Variants in ZNF235 observed in about 807,000 individuals in gnomAD.
ZNF235 encodes zinc finger protein 235, also known as zfp-93.
ZNF235 carries 25 observed loss-of-function variants against 29.4 expected under a neutral mutation model. The observed-to-expected ratio is 0.85, with a 90% CI of 0.62 to 1.19. ZNF235 has a LOEUF of 1.19. Ranked by LOEUF, ZNF235 falls within the 50% of genes most tolerant of loss-of-function variation. ZNF235 has a pLI of 0.00. For synonymous variants in ZNF235, 300 were observed against 295.3 expected (o/e 1.02, Z -0.16); for missense variants, 788 against 885.0 (o/e 0.89, Z 1.39).
At chr19:44,293,653 ATAGAACATATGT>A (rs1296402478) in intron 4 of ZNF235, among the ~76,000 whole-genome samples, 2 of 152,174 alleles carry the variant, frequency 1.3e-5, no homozygotes, top group African/African-American at 2.4e-5. Context: ...ATTCTCCAAG[ATAGAACATATGT>A]TAGGTCACAA....
intron 4 of ZNF235, chr19:44,290,373 G>A (rs900918497): frequency 6.6e-6 from 1 of 152,474 alleles, no homozygotes; most frequent in Non-Finnish European, 1.5e-5. Flanking sequence ...AAAAGGACAT[G>A]GCAAGCCCTG....
At position 44,288,899 on chromosome 19, in the gene ZNF235, A is replaced by G. The variant is rs1482737033; in HGVS notation, c.536T>C (p.Val179Ala). ...ATATATTTTACTCCAAGAATTCGGA[A>G]CTTTCCCAGTTGGAAATTCTTGATT... Reference protein sequence around the residue: ...IENQEFPTGKVPNSWSKIYLN... With the variant: ...IENQEFPTGKAPNSWSKIYLN... Residue 179 changes from valine (V) to alanine (A), a missense_variant, in exon 5 of 5, where the codon GTT becomes GCT. Val to Ala is a moderately conservative substitution (Grantham distance 64). Transcript: ENST00000291182. 10 of 1,613,930 alleles carry G rather than the reference A, an allele frequency of 6.2e-6. No individual in the cohort carries two copies. The highest frequency in any genetic ancestry group is 1.3e-5 in the African/African-American group (1 of 74,922).
intron 4 of ZNF235, chr19:44,289,964 T>C (rs897844033): frequency 1.3e-5 from 2 of 152,274 alleles, no homozygotes; most frequent in East Asian, 1.9e-4. Context: ...TAGGAAGATA[T>C]GTGGTGGCAC....
At position 44,288,727 on chromosome 19, in the gene ZNF235, ATGAACTTTATCTC is replaced by A; in HGVS notation, c.695_707del (p.Arg232IlefsTer11). Reference sequence around the variant, plus strand: ...TATCTTTACCACAATCACTATTGCTATGAACTTTATCTCTTTTGTGCACTATATTATCATCATG... The same window carrying A: ...TATCTTTACCACAATCACTATTGCTATTTTGTGCACTATATTATCATCATG... On this transcript the variant is annotated frameshift_variant, in exon 5 of 5. Transcript: ENST00000291182. LOFTEE classifies it low-confidence loss of function (END_TRUNC). The A allele has an allele frequency of 6.2e-7, 1 of 1,614,094 alleles. No individual in the cohort carries two copies. Among genetic ancestry groups the A allele is most frequent in the Non-Finnish European group, 8.5e-7 (1 of 1,179,988 alleles).
At chr19:44,297,874 T>C (rs1052693215) in intron 4 of ZNF235, among the ~76,000 whole-genome samples, 155 of 152,200 alleles carry the variant, frequency 1.0e-3, no homozygotes, top group African/African-American at 3.6e-3. Context: ...TCCCAGCATT[T>C]TGGGGAGGCT....
chr19:44,294,618 A>C (rs1975629084), intron 4 of ZNF235, among the ~76,000 whole-genome samples: 1 of 152,204 alleles, frequency 6.6e-6, no homozygotes, highest in African/African-American at 2.4e-5. Context: ...CAACAAAAAA[A>C]GAAAACTACA....
In ZNF235 at chr19:44,288,012, G is replaced by C; in HGVS notation, c.1423C>G (p.His475Asp). The C allele has an allele frequency of 6.2e-7, 1 of 1,613,992 alleles. No homozygotes were observed. Among genetic ancestry groups the C allele is most frequent in the Non-Finnish European group, 8.5e-7 (1 of 1,179,998 alleles). Residue 475 changes from histidine (H) to aspartate (D), a missense_variant, in exon 5 of 5, where the codon CAT becomes GAT. Physicochemically the swap from His to Asp is moderately conservative, Grantham distance 81. Coordinates refer to ENST00000291182, the MANE Select transcript of ZNF235 (RefSeq NM_004234.4). Reference protein sequence around the residue: ...GKCFSLSFNLHSHQRVHTGEK... With the variant: ...GKCFSLSFNLDSHQRVHTGEK... ...CCTGTGTGGACTCGTTGATGACTAT[G>C]AAGATTAAAGCTCAAACTAAAGCAC...
intron 4 of ZNF235, chr19:44,290,731 G>C (rs1975574840): frequency 6.0e-6 from 1 of 166,942 alleles, no homozygotes; most frequent in Non-Finnish European, 1.3e-5. Context: ...AGAGGAAAAA[G>C]ATGCTCAAAA....
In ZNF235 at chr19:44,287,765, T is replaced by C; in HGVS notation, c.1670A>G (p.Asn557Ser). 1 of 1,614,074 alleles carries C rather than the reference T, an allele frequency of 6.2e-7. No homozygotes were observed. Among genetic ancestry groups the C allele is most frequent in the Non-Finnish European group, 8.5e-7 (1 of 1,179,990 alleles). ...GTGGACTCTCTGATGATTGTGAAGA[T>C]TCAAGCTCCAATTGAAGCGCTTCCC... ...VCGKRFNWSL[N>S]LHNHQRVHTG... The change falls in exon 5 of 5, where the codon AAT becomes AGT. Residue 557 changes from asparagine (N) to serine (S), a missense_variant. Coordinates refer to ENST00000291182, the MANE Select transcript of ZNF235 (RefSeq NM_004234.4).
chr19:44,297,928 G>C (rs543695651), intron 4 of ZNF235, among the ~76,000 whole-genome samples: 1 of 152,178 alleles, frequency 6.6e-6, no homozygotes, highest in Non-Finnish European at 1.5e-5. Context: ...AGAGCAGCCT[G>C]GGCAACATGG....
At position 44,288,615 on chromosome 19, in the gene ZNF235, C is replaced by T; in HGVS notation, c.820G>A (p.Asp274Asn). 1 of 1,614,030 alleles carries T rather than the reference C, an allele frequency of 6.2e-7. No homozygotes were observed. Residue 274 changes from aspartate to asparagine, a missense_variant, in exon 5 of 5, where the codon GAT becomes AAT. Asp to Asn is a conservative substitution (Grantham distance 23, BLOSUM62 1). Coordinates refer to ENST00000291182, the MANE Select transcript of ZNF235 (RefSeq NM_004234.4). ...TTATGAAGTTCAAGACTGGAGCTAT[C>T]ATTGAAGGCTTCTTCACATTCATTA... is the stretch of plus-strand genomic sequence containing the variant. ...QGNECEEAFN[D>N]SSSLELHKQV...
In ZNF235 at chr19:44,288,164, ATTCT is replaced by A. The variant is rs1975522430; in HGVS notation, c.1267_1270del (p.Arg423PhefsTer47). 6.2e-7 allele frequency: 1 copy of A among 1,613,632 alleles called. No homozygotes were observed. The highest frequency in any genetic ancestry group is 1.3e-5 in the African/African-American group (1 of 74,780). ...TTTATATGGTTTCTCTCCAGTGTGA[ATTCT>A]TTCATGGGCCTGAAGATGTGATCTC... On this transcript the variant is annotated frameshift_variant, in exon 5 of 5. Transcript: ENST00000291182. LOFTEE classifies it high-confidence loss of function.
intron 2 of ZNF235, among the ~76,000 whole-genome samples, chr19:44,300,124 G>C (rs1163391906): frequency 1.3e-5 from 2 of 152,164 alleles, no homozygotes; most frequent in Non-Finnish European, 2.9e-5. Context: ...AACTGCAGCA[G>C]CATTTAGGGT....
intron 4 of ZNF235, among the ~76,000 whole-genome samples, chr19:44,296,103 A>C (rs1975650433): frequency 6.6e-6 from 1 of 152,218 alleles, no homozygotes; most frequent in Non-Finnish European, 1.5e-5. Flanking sequence ...ACGAAGTATA[A>C]ATAAATACAT....
At chr19:44,294,967 C>CATA (rs1975634544) in intron 4 of ZNF235, among the ~76,000 whole-genome samples, 1 of 151,990 alleles carries the variant, frequency 6.6e-6, no homozygotes, top group African/African-American at 2.4e-5. Flanking sequence ...ATATGACAAC[C>CATA]CATAGGTAAC....
rs868367989 is a variant in ZNF235 at position 44,302,811 on chromosome 19, T to C, written c.15+579A>G. On this transcript the variant is annotated intron_variant, in intron 2 of 4. Transcript: ENST00000291182. ...AACTATATACTTATATATGAGTATA[T>C]ATATACTTATATATATATAACTATA... Among the ~76,000 whole-genome samples, 13 of 145,548 alleles carry C rather than the reference T, an allele frequency of 8.9e-5. No homozygotes were observed. In the South Asian group the frequency reaches 2.7e-3, roughly 31 times the overall value.
At chr19:44,302,905 A>AATATATACGT (rs1275519186) in intron 2 of ZNF235, among the ~76,000 whole-genome samples, 5 of 99,752 alleles carry the variant, frequency 5.0e-5, no homozygotes, top group African/African-American at 1.6e-4. Flanking sequence ...TTTGTATATA[A>AATATATACGT]ATATATACGT....
In ZNF235 at chr19:44,291,167, T is replaced by C. The variant is rs74260466; in HGVS notation, c.239-1971A>G. Among the ~76,000 whole-genome samples the C allele has an allele frequency of 4.7e-4, 71 of 152,234 alleles. No homozygotes were observed. In the East Asian group the frequency reaches 0.013, roughly 27 times the overall value. ...CCATATTCTAGGCCATAAAACAAGTTCTAACAGATGCAAAAGGAGTCAAGT... is the reference window on the plus strand; with the variant it reads ...CCATATTCTAGGCCATAAAACAAGTCCTAACAGATGCAAAAGGAGTCAAGT... On this transcript the variant is annotated intron_variant, in intron 4 of 4. Coordinates refer to ENST00000291182, the MANE Select transcript of ZNF235 (RefSeq NM_004234.4).
At chr19:44,289,957 G>A (rs1334812234) in intron 4 of ZNF235, 3 of 152,202 alleles carry the variant, frequency 2.0e-5, no homozygotes, top group Non-Finnish European at 4.4e-5. Flanking sequence ...AACCAAGTAG[G>A]AAGATATGTG....
Sources: allele counts gnomAD v4.1 joint callset (sites outside exome capture counted in the v4.1 genomes callset), GRCh38; gene constraint gnomAD v4.1.1; transcripts MANE v1.5; gene names NCBI Gene and HGNC (gene_info 2026-07-23, HGNC 2026-07-21).